Variants in AGAP1 observed in about 807,000 individuals in gnomAD.
AGAP1 encodes ArfGAP with GTPase domain, ankyrin repeat and PH domain 1.
A neutral mutation model predicts 105.3 loss-of-function variants in AGAP1; 29 were observed. The observed-to-expected ratio is 0.28, with a 90% CI of 0.21 to 0.38. AGAP1 has a LOEUF of 0.38. Ranked by LOEUF, AGAP1 falls within the 10% of genes least tolerant of loss-of-function variation. AGAP1 has a pLI of 1.00. For missense variants in AGAP1, 998 were observed against 1,165.1 expected, an observed-to-expected ratio of 0.86 and a Z score of 2.09; for synonymous variants, 509 against 485.9, an observed-to-expected ratio of 1.05 and a Z score of -0.63.
At chr2:236,074,978 G>A (rs1025661166) in intron 16 of AGAP1, among the ~76,000 whole-genome samples, 10 of 152,300 alleles carry the variant, frequency 6.6e-5, no homozygotes, top group East Asian at 1.9e-4. Context: ...GTTTGAGCCC[G>A]AGAGGTGGAG....
chr2:236,019,766 A>C (rs2056829519), intron 13 of AGAP1, among the ~76,000 whole-genome samples: 1 of 152,222 alleles, frequency 6.6e-6, no homozygotes, highest in South Asian at 2.1e-4. Context: ...AGCTGTCATC[A>C]TCATCTCCAG....
At chr2:235,796,740 A>G (rs989497734) in intron 6 of AGAP1, among the ~76,000 whole-genome samples, 8 of 152,336 alleles carry the variant, frequency 5.3e-5, no homozygotes, top group African/African-American at 1.9e-4. Flanking sequence ...GAGAGATGAC[A>G]AGTTCCTTTC....
chr2:235,596,597 G>T lies in AGAP1; in HGVS notation c.163+101748G>T, dbSNP rs1945532978. The stretch of plus-strand genomic sequence containing the variant: ...ACCCTTCCCGGGTTCCTGGTTGCAG[G>T]TGCTGTGTCATCGTATGGCTGTATT... On this transcript the variant is annotated intron_variant, in intron 1 of 17. Coordinates refer to ENST00000304032, the MANE Select transcript of AGAP1 (RefSeq NM_001037131.3). This position sits in a 1 kb window ranked among gnomAD's most constrained non-coding sequence, Gnocchi z 5.9. 6.6e-6 allele frequency among the ~76,000 whole-genome samples: 1 copy of T among 152,196 alleles called. No homozygotes were observed. Among genetic ancestry groups the T allele is most frequent in the African/African-American group, 2.4e-5 (1 of 41,452 alleles).
chr2:235,545,500 A>G (rs1217152932), intron 1 of AGAP1, among the ~76,000 whole-genome samples: 2 of 152,158 alleles, frequency 1.3e-5, no homozygotes, highest in East Asian at 1.9e-4. Flanking sequence ...GGGAAGTAGT[A>G]GCAGCTGGGG....
rs1368221355 is a variant in AGAP1 at position 236,056,325 on chromosome 2, C to T, written c.2114+7044C>T. 1.3e-5 allele frequency among the ~76,000 whole-genome samples: 2 copies of T among 152,172 alleles called. No homozygotes were observed. Among genetic ancestry groups the T allele is most frequent in the Non-Finnish European group, 2.9e-5 (2 of 68,032 alleles). On this transcript the variant is annotated intron_variant, in intron 16 of 17. Transcript: ENST00000304032. This position sits in a 1 kb window ranked among gnomAD's most constrained non-coding sequence, Gnocchi z 4.6. ...GTGTGCTTGGAGCCGGCTTTGCTAC[C>T]GCAGAGCTGTCTAGGGTTGAAAATC...
chr2:236,033,775 C>T (rs2057297136), intron 13 of AGAP1, among the ~76,000 whole-genome samples: 2 of 152,216 alleles, frequency 1.3e-5, no homozygotes, highest in South Asian at 4.1e-4. Flanking sequence ...CAGCTCTTAG[C>T]CTTAGTTCCA....
chr2:235,516,706 G>A (rs1283692258), intron 1 of AGAP1, among the ~76,000 whole-genome samples: 1 of 152,162 alleles, frequency 6.6e-6, no homozygotes. Context: ...ACAAATGCCT[G>A]TGGAGTGGAT....
At position 235,908,869 on chromosome 2, in the gene AGAP1, C is replaced by T. The variant is rs1331594963; in HGVS notation, c.1287C>T (p.Ser429=). The change falls in exon 11 of 18, where the codon TCC becomes TCT. Residue 429 remains serine, a synonymous_variant. Transcript: ENST00000304032. This position sits in a 1 kb window ranked among gnomAD's most constrained non-coding sequence, Gnocchi z 4.4. ...CCAGCCCTAAAACCAATGGCCTATC[C>T]AAGGACATGAGCAGTTTACACATCT... The part of the protein sequence containing the change: ...PISSPKTNGL[S]KDMSSLHISP... 3.1e-6 allele frequency: 5 copies of T among 1,614,024 alleles called. No individual in the cohort carries two copies. Among genetic ancestry groups the T allele is most frequent in the Middle Eastern group, 1.6e-4 (1 of 6,062 alleles).
rs1945120369 is a variant in AGAP1 at position 235,586,587 on chromosome 2, T to C, written c.163+91738T>C. ...CAGGCCTGTGTGACCTGAAGGCCCT[T>C]GCAGGCTGAGGTCTCTTGGTGATAA... On this transcript the variant is annotated intron_variant, in intron 1 of 17. Transcript: ENST00000304032. This position sits in a 1 kb window ranked among gnomAD's most constrained non-coding sequence, Gnocchi z 4.2. Among the ~76,000 whole-genome samples, 1 of 152,190 alleles carries C rather than the reference T, an allele frequency of 6.6e-6. No individual in the cohort carries two copies.
Position 235,734,935 on chromosome 2 carries a change from G to A in AGAP1, c.311-6028G>A, listed in dbSNP as rs538026590. 5.3e-5 allele frequency among the ~76,000 whole-genome samples: 8 copies of A among 151,710 alleles called. No individual in the cohort carries two copies. The South Asian group carries it at 1.1e-3, about 20-fold the overall frequency. ...TCCTTTTCCTCCTGAGTGGATTTGG[G>A]TGTTGCCAGTGATGTTTGCGTCATA... On this transcript the variant is annotated intron_variant, in intron 3 of 17. Coordinates refer to ENST00000304032, the MANE Select transcript of AGAP1 (RefSeq NM_001037131.3). The surrounding 1 kb of genome is among the most constrained non-coding windows in gnomAD (Gnocchi z 5.3).
chr2:235,564,659 C>T (rs1282508114), intron 1 of AGAP1, among the ~76,000 whole-genome samples: 1 of 146,718 alleles, frequency 6.8e-6, no homozygotes, highest in Non-Finnish European at 1.5e-5. Context: ...GACCACCACC[C>T]AGGGCCAGGT....
rs777969131 is a variant in AGAP1 at position 236,055,127 on chromosome 2, G to A, written c.2114+5846G>A. Among the ~76,000 whole-genome samples the A allele has an allele frequency of 7.9e-5, 12 of 152,146 alleles. No individual in the cohort carries two copies. Among genetic ancestry groups the A allele is most frequent in the East Asian group, 1.9e-4 (1 of 5,204 alleles). On this transcript the variant is annotated intron_variant, in intron 16 of 17. Transcript: ENST00000304032. This position sits in a 1 kb window ranked among gnomAD's most constrained non-coding sequence, Gnocchi z 6.2. ...CTCTTCTTTCAATTAAGTTCTCTGG[G>A]GCTTAATGGTATGAATAAACTCCTC...
intron 16 of AGAP1, chr2:236,049,824 A>C (rs541619474): frequency 6.6e-6 from 1 of 152,536 alleles, no homozygotes; most frequent in African/African-American, 2.4e-5. Context: ...AGTGTAAAAA[A>C]CGCATTTATT....
chr2:235,668,027 G>GGA (rs759797176), intron 1 of AGAP1, among the ~76,000 whole-genome samples: 80 of 149,110 alleles, frequency 5.4e-4, no homozygotes, highest in Middle Eastern at 3.5e-3. Flanking sequence ...ATTCTGTCTT[G>GGA]GAGACCCCTC....
chr2:235,671,096 C>T, intron 1 of AGAP1: 5 of 1,253,986 alleles, frequency 4.0e-6, no homozygotes, highest in Non-Finnish European at 4.0e-6. Flanking sequence ...CGGGAAGGGG[C>T]GTGGTGGGGA....
chr2:235,758,949 C>T (rs959981449), intron 6 of AGAP1, among the ~76,000 whole-genome samples: 1 of 152,138 alleles, frequency 6.6e-6, no homozygotes, highest in African/African-American at 2.4e-5. Context: ...CGTGCCAGCA[C>T]ACCCAGCTAG....
At position 236,121,085 on chromosome 2, in the gene AGAP1, C is replaced by G. The variant is rs1200273933; in HGVS notation, c.2370+638C>G. Reference sequence around the variant, plus strand: ...GGCTTCTGCTGAGGCAGGTTCCCACCAGAGGCAGGCAGAAAGCTGCCGGCA... The same window carrying G: ...GGCTTCTGCTGAGGCAGGTTCCCACGAGAGGCAGGCAGAAAGCTGCCGGCA... On this transcript the variant is annotated intron_variant, in intron 17 of 17. Coordinates refer to ENST00000304032, the MANE Select transcript of AGAP1 (RefSeq NM_001037131.3). This position sits in a 1 kb window ranked among gnomAD's most constrained non-coding sequence, Gnocchi z 4.9. Among the ~76,000 whole-genome samples the G allele has an allele frequency of 6.6e-6, 1 of 152,144 alleles. No individual in the cohort carries two copies. Among genetic ancestry groups the G allele is most frequent in the Non-Finnish European group, 1.5e-5 (1 of 68,030 alleles).
chr2:236,119,516 G>C lies in AGAP1; in HGVS notation c.2115-676G>C. Among the ~76,000 whole-genome samples the C allele has an allele frequency of 6.6e-6, 1 of 152,166 alleles. No individual in the cohort carries two copies. The highest frequency in any genetic ancestry group is 1.9e-4 in the East Asian group (1 of 5,182). On this transcript the variant is annotated intron_variant, in intron 16 of 17. Transcript: ENST00000304032. This position sits in a 1 kb window ranked among gnomAD's most constrained non-coding sequence, Gnocchi z 6.6. ...GTCCACACACACCCCCTATTTCGGA[G>C]TTTGAAGCTAAAAGCACATGGTCAC...
chr2:235,658,419 G>A (rs190397997), intron 1 of AGAP1, among the ~76,000 whole-genome samples: 126 of 152,300 alleles, frequency 8.3e-4, no homozygotes, highest in South Asian at 3.9e-3. Context: ...TGCTTCGGAC[G>A]GGAAGAATTT....
Sources: gnomAD v4.1 joint callset for allele counts (sites outside exome capture counted in the v4.1 genomes callset) on GRCh38, gnomAD v4.1.1 for gene constraint, Gnocchi (gnomAD v3.1) non-coding constraint, MANE v1.5 for transcripts, NCBI Gene and HGNC (gene_info 2026-07-23, HGNC 2026-07-21) for gene names.